The following LMTK2 variants were observed in gnomAD, a reference collection of about 807,000 sequenced individuals.
LMTK2 encodes serine/threonine-protein kinase LMTK2.
Under a neutral mutation model 127.5 loss-of-function variants are expected in LMTK2, and 37 were observed. That is an observed-to-expected ratio of 0.29 (90% CI 0.22 to 0.38). The LOEUF is 0.38. LMTK2 is among the 10% of genes least tolerant of loss of function. The pLI is 1.00. For synonymous variants in LMTK2, 819 were observed against 810.1 expected, an observed-to-expected ratio of 1.01 and a Z score of -0.19; for missense variants, 1,694 against 1,920.3, an observed-to-expected ratio of 0.88 and a Z score of 2.20.
In LMTK2 at chr7:98,209,543, C is replaced by G. The variant is rs1025776235; in HGVS notation, c.*4051C>G. ...ACATTTTTAAATTGTAAGATTTTTA[C>G]TGTATATTGATGCATAGTGTGATTC... On this transcript the variant is annotated 3_prime_UTR_variant, in exon 14 of 14. Transcript: ENST00000297293. The G allele has an allele frequency of 2.0e-5, 3 of 152,008 alleles. No homozygotes were observed. Among genetic ancestry groups the G allele is most frequent in the Non-Finnish European group, 4.4e-5 (3 of 68,034 alleles). 9.4% of individuals were successfully genotyped at this position (152,008 alleles called of 1,614,324 possible).
At chr7:98,204,822 C>T (rs546603007) in intron 13 of LMTK2, among the ~76,000 whole-genome samples, 101 of 152,312 alleles carry the variant, frequency 6.6e-4, no homozygotes, top group Middle Eastern at 3.4e-3. Context: ...GTCCCTCCTC[C>T]GCACTCTGTC....
intron 1 of LMTK2, among the ~76,000 whole-genome samples, chr7:98,126,006 G>A (rs1796439334): frequency 6.6e-6 from 1 of 152,200 alleles, no homozygotes; most frequent in South Asian, 2.1e-4. Flanking sequence ...GCCTAAGATT[G>A]CATTTCAGTT....
rs2116425015 is a variant in LMTK2, at chr7:98,171,797, T to C, written c.791+123T>C. 1 of 1,106,498 alleles carries C rather than the reference T, an allele frequency of 9.0e-7. No individual in the cohort carries two copies. The highest frequency in any genetic ancestry group is 2.7e-5 in the East Asian group (1 of 36,996). 68.5% of individuals were successfully genotyped at this position (1,106,498 alleles called of 1,614,324 possible). ...GCAGAATGAACCCAGCTCATGTAGGTAGAAGCGATCTCGTTCTTACCCATG... is the reference window on the plus strand; with the variant it reads ...GCAGAATGAACCCAGCTCATGTAGGCAGAAGCGATCTCGTTCTTACCCATG... On this transcript the variant is annotated intron_variant, in intron 7 of 13. Coordinates refer to ENST00000297293, the MANE Select transcript of LMTK2 (RefSeq NM_014916.4). The surrounding 1 kb of genome is among the most constrained non-coding windows in gnomAD (Gnocchi z 5.1).
intron 11 of LMTK2, among the ~76,000 whole-genome samples, chr7:98,197,642 C>G (rs1797644490): frequency 6.6e-6 from 1 of 152,140 alleles, no homozygotes; most frequent in Non-Finnish European, 1.5e-5. Context: ...CGCTTAAGGC[C>G]AGGAGGTGAG....
chr7:98,185,250 G>A, intron 8 of LMTK2, 115 bp downstream of exon 8: 1 of 703,450 alleles, frequency 1.4e-6, no homozygotes. Flanking sequence ...TTTCTGGAGA[G>A]GGATTTGCAG....
At chr7:98,151,814 C>T (rs200129931) in intron 4 of LMTK2, among the ~76,000 whole-genome samples, 2 of 152,296 alleles carry the variant, frequency 1.3e-5, no homozygotes, top group East Asian at 3.9e-4. Flanking sequence ...GCTGCGTCCT[C>T]CCGTGGTTGA....
chr7:98,191,243 T>C (rs1332212999), intron 10 of LMTK2, among the ~76,000 whole-genome samples: 2 of 152,140 alleles, frequency 1.3e-5, no homozygotes, highest in Non-Finnish European at 2.9e-5. Flanking sequence ...CCAGGGTGCC[T>C]GGCCTCTTTT....
intron 1 of LMTK2, among the ~76,000 whole-genome samples, chr7:98,133,245 G>T (rs1584253427): frequency 6.6e-6 from 1 of 152,186 alleles, no homozygotes; most frequent in South Asian, 2.1e-4. Flanking sequence ...TTGTTTGGTA[G>T]ATGACTGGCT....
intron 1 of LMTK2, among the ~76,000 whole-genome samples, chr7:98,125,582 C>T (rs919103518): frequency 3.9e-5 from 6 of 152,164 alleles, no homozygotes; most frequent in African/African-American, 1.4e-4. Flanking sequence ...CACCCCTGTC[C>T]CATAACCCTC....
chr7:98,114,383 G>A (rs1322916786), intron 1 of LMTK2, among the ~76,000 whole-genome samples: 1 of 151,882 alleles, frequency 6.6e-6, no homozygotes, highest in African/African-American at 2.4e-5. Flanking sequence ...GGGACTACAG[G>A]TGGATACCAC....
Position 98,203,615 on chromosome 7 carries a change from G to T in LMTK2, c.4149G>T (p.Ala1383=). 2 of 1,610,402 alleles carry T rather than the reference G, an allele frequency of 1.2e-6. No homozygotes were observed. Among genetic ancestry groups the T allele is most frequent in the Non-Finnish European group, 1.7e-6 (2 of 1,179,162 alleles). ...TKELGPCGGE[A]CGPDLSGPAP... ...AGCTGGGGCCCTGTGGAGGAGAGGC[G>T]TGCGGCCCGGACCTGAGCGGCCCAG... is the stretch of plus-strand genomic sequence containing the variant. The change falls in exon 12 of 14, where the codon GCG becomes GCT. Residue 1383 remains alanine (A), a synonymous_variant. Transcript: ENST00000297293.
chr7:98,152,600 T>G (rs1796874379), intron 4 of LMTK2, among the ~76,000 whole-genome samples: 1 of 152,098 alleles, frequency 6.6e-6, no homozygotes, highest in Admixed American at 6.5e-5. Context: ...GGCTTAGATA[T>G]CTAGTTGGGA....
rs199741190 is a variant in LMTK2, at chr7:98,107,709, GT to G, written c.103+432del. Among the ~76,000 whole-genome samples the G allele has an allele frequency of 2.0e-5, 3 of 152,204 alleles. No individual in the cohort carries two copies. In the East Asian group the frequency reaches 5.8e-4, roughly 29 times the overall value. ...CAAATGACTTGGCGAGCTGTGCGGAGTTTGTTTTCGCTCCTTGCAACTTATT... is the reference window on the plus strand; with the variant it reads ...CAAATGACTTGGCGAGCTGTGCGGAGTTGTTTTCGCTCCTTGCAACTTATT... On this transcript the variant is annotated intron_variant, in intron 1 of 13. Coordinates refer to ENST00000297293, the MANE Select transcript of LMTK2 (RefSeq NM_014916.4).
At chr7:98,162,263 A>T (rs1797027794) in intron 6 of LMTK2, among the ~76,000 whole-genome samples, 2 of 152,230 alleles carry the variant, frequency 1.3e-5, no homozygotes, top group African/African-American at 4.8e-5. Context: ...CCTTTATGTT[A>T]CCATAAATGA....
intron 1 of LMTK2, among the ~76,000 whole-genome samples, chr7:98,130,453 T>C (rs1362672966): frequency 3.3e-5 from 5 of 152,196 alleles, no homozygotes; most frequent in Admixed American, 3.3e-4. Flanking sequence ...TCTTTGTTTT[T>C]CCTTGTTTTC....
At chr7:98,202,281 A>G (rs1797715153) in intron 11 of LMTK2, among the ~76,000 whole-genome samples, 2 of 152,026 alleles carry the variant, frequency 1.3e-5, no homozygotes, top group South Asian at 4.2e-4. Flanking sequence ...GCTTTTTGTC[A>G]TTCTTCTTAT....
intron 7 of LMTK2, among the ~76,000 whole-genome samples, chr7:98,179,814 G>C (rs1797328118): frequency 6.6e-6 from 1 of 152,204 alleles, no homozygotes; most frequent in African/African-American, 2.4e-5. Context: ...TAAGCACAAA[G>C]AGTGTGGCAA....
At position 98,202,579 on chromosome 7, in the gene LMTK2, G is replaced by A. The variant is rs556080473; in HGVS notation, c.4108-995G>A. On this transcript the variant is annotated intron_variant, in intron 11 of 13. Transcript: ENST00000297293. ...CTTTTACCTTAGCAGGCCTTGACCC[G>A]GTGGGTGCAGGCCACAAGCTCCAAG... is the stretch of plus-strand genomic sequence containing the variant. Among the ~76,000 whole-genome samples, 28 of 152,202 alleles carry A rather than the reference G, an allele frequency of 1.8e-4. 1 individual carries two copies. The highest frequency in any genetic ancestry group is 1.2e-3 in the Admixed American group (19 of 15,286).
chr7:98,171,665 T>A lies in LMTK2; in HGVS notation c.782T>A (p.Phe261Tyr). 4 of 1,589,642 alleles carry A rather than the reference T, an allele frequency of 2.5e-6. No individual in the cohort carries two copies. Among genetic ancestry groups the A allele is most frequent in the Non-Finnish European group, 3.4e-6 (4 of 1,168,188 alleles). Residue 261 changes from phenylalanine to tyrosine, a missense_variant, in exon 7 of 14, where the codon TTC becomes TAC. Physicochemically the swap from Phe to Tyr is conservative, Grantham distance 22 (BLOSUM62 3). Transcript: ENST00000297293. The surrounding 1 kb of genome is among the most constrained non-coding windows in gnomAD (Gnocchi z 5.1). ...CTGGCCGCCATGCACAAGCTGCACTTCCTGCACAGGTGGGTACCTGCGTCA... is the reference window on the plus strand; with the variant it reads ...CTGGCCGCCATGCACAAGCTGCACTACCTGCACAGGTGGGTACCTGCGTCA... ...AGLAAMHKLH[F>Y]LHSDLALRNC...
Sources: gnomAD v4.1 joint callset for allele counts (sites outside exome capture counted in the v4.1 genomes callset) on GRCh38, gnomAD v4.1.1 for gene constraint, Gnocchi (gnomAD v3.1) non-coding constraint, MANE v1.5 for transcripts, NCBI Gene and HGNC (gene_info 2026-07-23, HGNC 2026-07-21) for gene names.